LAIR1: variants seen among roughly 807,000 people sequenced by gnomAD.
The protein encoded by LAIR1 is leukocyte associated immunoglobulin like receptor 1, also known as leukocyte-associated immunoglobulin-like receptor 1.
A neutral mutation model predicts 32.8 loss-of-function variants in LAIR1; 24 were observed. That is an observed-to-expected ratio of 0.73 (90% CI 0.53 to 1.03). LAIR1 has a LOEUF of 1.03. Ranked by LOEUF, LAIR1 falls within the 50% of genes least tolerant of loss-of-function variation. The probability of loss-of-function intolerance (pLI) is 0.00; values close to 1 mark genes in which losing one functional copy is unlikely to be tolerated. For synonymous variants in LAIR1, 150 were observed against 140.5 expected (o/e 1.07, Z -0.48); for missense variants, 355 against 347.5 (o/e 1.02, Z -0.17).
At chr19:54,356,988 G>A (rs375705985) in intron 4 of LAIR1, 22 bp from the exon 5 acceptor site, 5 of 1,612,484 alleles carry the variant, frequency 3.1e-6, no homozygotes, top group Admixed American at 1.7e-5. Flanking sequence ...GAATCAGAAG[G>A]AGGAGGAGTT....
In LAIR1 at chr19:54,364,205, A is replaced by C. The variant is rs1339609185; in HGVS notation, c.70+90T>G. On this transcript the variant is annotated intron_variant, in intron 2 of 9. Coordinates refer to ENST00000391742, the MANE Select transcript of LAIR1 (RefSeq NM_002287.6). The surrounding 1 kb of genome is among the most constrained non-coding windows in gnomAD (Gnocchi z 4.8). The stretch of plus-strand genomic sequence containing the variant: ...AGGGTATATTTAAAGGGATCTCTCC[A>C]GGCCCTCTAAGAATCAACATCACTC... 7.0e-7 allele frequency: 1 copy of C among 1,428,308 alleles called. No individual in the cohort carries two copies. Among genetic ancestry groups the C allele is most frequent in the Non-Finnish European group, 9.8e-7 (1 of 1,016,292 alleles). 88.5% of individuals were successfully genotyped at this position (1,428,308 alleles called of 1,614,324 possible).
At chr19:54,366,852 C>G (rs2082273852), upstream of LAIR1, among the ~76,000 whole-genome samples, 1 of 152,110 alleles carries the variant, frequency 6.6e-6, no homozygotes, top group South Asian at 2.1e-4. Context: ...CCAACCTAGG[C>G]TCAGATGTGG....
At position 54,355,359 on chromosome 19, in the gene LAIR1, G is replaced by A; in HGVS notation, c.773C>T (p.Ala258Val). The change falls in exon 10 of 10, where the codon GCC becomes GTC. Residue 258 changes from alanine to valine, a missense_variant. Ala to Val is a moderately conservative substitution (Grantham distance 64, BLOSUM62 0). Coordinates refer to ENST00000391742, the MANE Select transcript of LAIR1 (RefSeq NM_002287.6). The surrounding 1 kb of genome is among the most constrained non-coding windows in gnomAD (Gnocchi z 4.7). ...EVTYAQLDHW[A>V]LTQRTARAVS... ...AGCCCGGGCTGTCCTCTGTGTGAGGGCCCAGTGGTCCAGCTGAGCATACGT... is the reference window on the plus strand; with the variant it reads ...AGCCCGGGCTGTCCTCTGTGTGAGGACCCAGTGGTCCAGCTGAGCATACGT... The A allele has an allele frequency of 2.5e-6, 4 of 1,613,158 alleles. No homozygotes were observed. The highest frequency in any genetic ancestry group is 3.4e-6 in the Non-Finnish European group (4 of 1,179,440).
chr19:54,375,110 CAG>C (rs2082478100), upstream of LAIR1, among the ~76,000 whole-genome samples: 1 of 152,232 alleles, frequency 6.6e-6, no homozygotes, highest in African/African-American at 2.4e-5. Flanking sequence ...CTCTTGGTCC[CAG>C]CCTGGGCTGC....
upstream of LAIR1, chr19:54,370,626 C>T (rs2082381137): frequency 4.0e-6 from 1 of 247,400 alleles, no homozygotes; most frequent in Admixed American, 5.5e-5. Context: ...CATCACAGCT[C>T]AAATCCTTAA....
chr19:54,373,242 A>G (rs556617232), upstream of LAIR1, among the ~76,000 whole-genome samples: 552 of 151,034 alleles, frequency 3.7e-3, 8 homozygotes, highest in South Asian at 7.9e-3. Context: ...GGTGATCGAG[A>G]CCATCCTGGC....
chr19:54,364,289 A>T lies in LAIR1; in HGVS notation c.70+6T>A. On this transcript the variant is annotated splice_donor_region_variant and intron_variant, in intron 2 of 9. Coordinates refer to ENST00000391742, the MANE Select transcript of LAIR1 (RefSeq NM_002287.6). The surrounding 1 kb of genome is among the most constrained non-coding windows in gnomAD (Gnocchi z 4.8). ...ACTGGGAAGATGGGACGAAGGCATG[A>T]CTTACCCTCCTGCGTGTGGATGGTC... The T allele has an allele frequency of 6.2e-7, 1 of 1,613,114 alleles. No individual in the cohort carries two copies. Among genetic ancestry groups the T allele is most frequent in the South Asian group, 1.1e-5 (1 of 91,054 alleles).
rs149933025 is a variant in LAIR1 at position 54,361,104 on chromosome 19, C to A, written c.176G>T (p.Arg59Leu). Residue 59 changes from arginine to leucine, a missense_variant, in exon 3 of 10, where the codon CGC becomes CTC. Transcript: ENST00000391742. ...TGTGGATCTACTGTCCCTCTCCAGG[C>A]GGAATGTTTGAACCCCAACCGGGCC... ...CRGPVGVQTF[R>L]LERDSRSTYN... is the part of the protein sequence containing the mutation. The A allele has an allele frequency of 1.9e-6, 3 of 1,614,060 alleles. No homozygotes were observed. Among genetic ancestry groups the A allele is most frequent in the African/African-American group, 2.7e-5 (2 of 74,934 alleles).
chr19:54,352,288 A>G lies in LAIR1; in HGVS notation c.*2980T>C, dbSNP rs1215555976. ...ACCCCAGGGGAACTGGGGTGGGATC[A>G]TAAGCACAGGGTAGGCCCTCCCTCT... On this transcript the variant is annotated 3_prime_UTR_variant, in exon 10 of 10. Coordinates refer to ENST00000391742, the MANE Select transcript of LAIR1 (RefSeq NM_002287.6). 1 of 153,736 alleles carries G rather than the reference A, an allele frequency of 6.5e-6. No homozygotes were observed. Among genetic ancestry groups the G allele is most frequent in the African/African-American group, 2.4e-5 (1 of 41,438 alleles). The allele number at this position is 153,736 out of a possible 1,614,324, so 9.5% of individuals were successfully genotyped here. A position where few individuals can be genotyped will look rare whatever the true frequency, so the allele number is the denominator to read the frequency against.
Position 54,356,225 on chromosome 19 carries a change from T to G in LAIR1, c.664+5A>C, listed in dbSNP as rs1601267507. ...CCAGGCCTGTCCCTCCTCCTCCCCC[T>G]TTACCTGCTGTCCTCTCTAGAACAT... On this transcript the variant is annotated splice_donor_5th_base_variant and intron_variant, in intron 8 of 9. Transcript: ENST00000391742. The G allele has an allele frequency of 1.9e-6, 3 of 1,574,634 alleles. No individual in the cohort carries two copies. The highest frequency in any genetic ancestry group is 2.6e-6 in the Non-Finnish European group (3 of 1,157,664).
upstream of LAIR1, among the ~76,000 whole-genome samples, chr19:54,369,509 A>T (rs975110622): frequency 6.6e-6 from 1 of 151,282 alleles, no homozygotes; most frequent in African/African-American, 2.5e-5. Context: ...GTTCCATATT[A>T]TGAGGACCCC....
At chr19:54,365,559 G>A (rs886540130), upstream of LAIR1, among the ~76,000 whole-genome samples, 1 of 152,180 alleles carries the variant, frequency 6.6e-6, no homozygotes, top group African/African-American at 2.4e-5. Context: ...GGGAGGCCGG[G>A]GTGGGTGGAT....
upstream of LAIR1, among the ~76,000 whole-genome samples, chr19:54,366,002 C>T (rs1468761010): frequency 1.3e-5 from 2 of 152,174 alleles, no homozygotes; most frequent in Non-Finnish European, 2.9e-5. Context: ...GAGGACATCA[C>T]GCCAAGCGAC....
Position 54,356,020 on chromosome 19 carries a change from T to C in LAIR1, c.665-14A>G, listed in dbSNP as rs755643724. On this transcript the variant is annotated splice_polypyrimidine_tract_variant and intron_variant, in intron 8 of 9. Coordinates refer to ENST00000391742, the MANE Select transcript of LAIR1 (RefSeq NM_002287.6). ...CTGTGGCCTTGTCTTGGGGAGAAAATACATGGTCAGTTTTCTGGGGAGGAT... is the reference window on the plus strand; with the variant it reads ...CTGTGGCCTTGTCTTGGGGAGAAAACACATGGTCAGTTTTCTGGGGAGGAT... The C allele has an allele frequency of 5.0e-6, 8 of 1,602,054 alleles. No homozygotes were observed. The East Asian group carries it at 1.1e-4, about 22-fold the overall frequency.
chr19:54,375,790 G>A, the LAIR1 span, among the ~76,000 whole-genome samples: 5 of 151,938 alleles, frequency 3.3e-5, no homozygotes, highest in South Asian at 1.0e-3. Flanking sequence ...TGTCAGAGAC[G>A]AGCCACACAA....
rs768925392 is a variant in LAIR1 at position 54,361,060 on chromosome 19, C to T, written c.220G>A (p.Val74Met). Reference sequence around the variant, plus strand: ...GACTCAGATGGACTAGCTTGAGACACATCTTCAGTATCATTGTATGTGGAT... The same window carrying T: ...GACTCAGATGGACTAGCTTGAGACATATCTTCAGTATCATTGTATGTGGAT... ...SRSTYNDTED[V>M]SQASPSESEA... Residue 74 changes from valine (V) to methionine (M), a missense_variant, in exon 3 of 10, where the codon GTG becomes ATG. By Grantham distance (21) the Val-to-Met change is conservative. Transcript: ENST00000391742. 1.2e-6 allele frequency: 2 copies of T among 1,614,254 alleles called. No individual in the cohort carries two copies. The highest frequency in any genetic ancestry group is 1.6e-4 in the Middle Eastern group (1 of 6,062).
chr19:54,375,523 C>T (rs1291084059), upstream of LAIR1, among the ~76,000 whole-genome samples: 6 of 152,306 alleles, frequency 3.9e-5, no homozygotes, highest in South Asian at 2.1e-4. Flanking sequence ...TCCATACGCC[C>T]GGCCCGAACG....
At chr19:54,370,367 A>G in exon 1 of LAIR1, 1 of 1,097,076 alleles carries the variant, frequency 9.1e-7, no homozygotes, top group Admixed American at 2.4e-5. Context: ...TTTGTCCTGA[A>G]TATTAGCCTT....
At chr19:54,361,581 G>C (rs4806753) in intron 2 of LAIR1, among the ~76,000 whole-genome samples, 63,669 of 140,338 alleles carry the variant, frequency 0.45, 14,042 homozygotes, top group East Asian at 0.6. Flanking sequence ...CAGGGTCATT[G>C]GTGAAGGACA....
Sources: allele counts gnomAD v4.1 joint callset (sites outside exome capture counted in the v4.1 genomes callset), GRCh38; gene constraint gnomAD v4.1.1; non-coding constraint Gnocchi (gnomAD v3.1); transcripts MANE v1.5; gene names NCBI Gene and HGNC (gene_info 2026-07-23, HGNC 2026-07-21).